The following NR3C2 variants were observed in gnomAD, a reference collection of about 807,000 sequenced individuals.
NR3C2 encodes the protein mineralocorticoid receptor.
Under a neutral mutation model 86.4 loss-of-function variants are expected in NR3C2, and 15 were observed. The observed-to-expected ratio is 0.17, with a 90% CI of 0.12 to 0.27. The LOEUF (loss-of-function observed/expected upper bound fraction) is 0.27. Ranked by LOEUF, NR3C2 falls within the 10% of genes least tolerant of loss-of-function variation. The pLI, the probability that NR3C2 is intolerant of heterozygous loss-of-function variation, is 1.00. For missense variants in NR3C2, 960 were observed against 1,195.6 expected (o/e 0.80, Z 2.91); for synonymous variants, 458 against 450.5 (o/e 1.02, Z -0.21).
intron 6 of NR3C2, among the ~76,000 whole-genome samples, chr4:148,151,709 T>C (rs1008663836): frequency 6.6e-6 from 1 of 152,218 alleles, no homozygotes; most frequent in Non-Finnish European, 1.5e-5. Context: ...CCTGTTTTCC[T>C]ATTGCCAGAG....
At chr4:148,231,017 C>A (rs1487460079) in intron 3 of NR3C2, among the ~76,000 whole-genome samples, 1 of 152,186 alleles carries the variant, frequency 6.6e-6, no homozygotes, top group African/African-American at 2.4e-5. Context: ...GAGAAGACTG[C>A]TTTTTATTCT....
chr4:148,383,279 T>C (rs1747092062), intron 2 of NR3C2, among the ~76,000 whole-genome samples: 1 of 152,144 alleles, frequency 6.6e-6, no homozygotes, highest in Admixed American at 6.6e-5. Context: ...CATCAGGCAT[T>C]AAGAAGAAAT....
chr4:148,226,108 C>T (rs1396584287), intron 3 of NR3C2, among the ~76,000 whole-genome samples: 4 of 152,152 alleles, frequency 2.6e-5, no homozygotes, highest in Non-Finnish European at 5.9e-5. Flanking sequence ...AAGCTTTGTA[C>T]ACATGAATGT....
At chr4:148,261,381 C>A (rs35562931) in intron 2 of NR3C2, among the ~76,000 whole-genome samples, 2,499 of 94,680 alleles carry the variant, frequency 0.026, 69 homozygotes, top group African/African-American at 0.071. Context: ...GCGCTATGGT[C>A]AGTGTATGGT....
At chr4:148,444,435 G>A, upstream of NR3C2, 1 of 986,470 alleles carries the variant, frequency 1.0e-6, no homozygotes, top group South Asian at 4.7e-5. Context: ...CTCTGCCCTG[G>A]GCGCGCAACC....
chr4:148,376,997 A>G (rs193035769), intron 2 of NR3C2, among the ~76,000 whole-genome samples: 179 of 152,330 alleles, frequency 1.2e-3, no homozygotes, highest in African/African-American at 4.1e-3. Flanking sequence ...TTTACATATT[A>G]TATCTGGGGT....
intron 4 of NR3C2, among the ~76,000 whole-genome samples, chr4:148,191,875 T>C (rs980465313): frequency 1.3e-5 from 2 of 152,228 alleles, no homozygotes; most frequent in Non-Finnish European, 2.9e-5. Context: ...TCCATGAATA[T>C]TTCTCCCTTC....
chr4:148,161,622 C>G (rs957286468), intron 4 of NR3C2, among the ~76,000 whole-genome samples: 2 of 152,144 alleles, frequency 1.3e-5, no homozygotes, highest in Non-Finnish European at 2.9e-5. Context: ...TCATATATTA[C>G]ATTTTAATGT....
At chr4:148,181,658 C>T (rs911844434) in intron 4 of NR3C2, among the ~76,000 whole-genome samples, 1 of 152,202 alleles carries the variant, frequency 6.6e-6, no homozygotes, top group Non-Finnish European at 1.5e-5. Context: ...GTACAGAGAG[C>T]CACGGGGCTT....
At chr4:148,363,465 C>T (rs1183368382) in intron 2 of NR3C2, among the ~76,000 whole-genome samples, 1 of 147,742 alleles carries the variant, frequency 6.8e-6, no homozygotes, top group Non-Finnish European at 1.5e-5. Context: ...GAAATTACAG[C>T]ACTACTCGTA....
intron 2 of NR3C2, among the ~76,000 whole-genome samples, chr4:148,289,600 T>G (rs962113706): frequency 1.3e-5 from 2 of 152,178 alleles, no homozygotes. Flanking sequence ...TTTGGGCCAC[T>G]ATAACAACAT....
chr4:148,349,936 A>G (rs1308686085), intron 2 of NR3C2, among the ~76,000 whole-genome samples: 1 of 152,228 alleles, frequency 6.6e-6, no homozygotes, highest in African/African-American at 2.4e-5. Context: ...AAAGATAAAC[A>G]TAAAATTCAG....
intron 3 of NR3C2, among the ~76,000 whole-genome samples, chr4:148,214,453 CAA>C (rs1737426749): frequency 6.6e-6 from 1 of 151,812 alleles, no homozygotes; most frequent in South Asian, 2.1e-4. Context: ...AACCTAAAAA[CAA>C]AAATAAAAAT....
At chr4:148,250,523 G>A (rs772481352) in intron 3 of NR3C2, among the ~76,000 whole-genome samples, 4 of 152,180 alleles carry the variant, frequency 2.6e-5, no homozygotes, top group Admixed American at 6.5e-5. Flanking sequence ...ATTTCATTAC[G>A]TAACTTCCCA....
chr4:148,437,415 A>C (rs971045142), intron 1 of NR3C2, among the ~76,000 whole-genome samples: 1 of 152,252 alleles, frequency 6.6e-6, no homozygotes, highest in East Asian at 1.9e-4. Flanking sequence ...ACATAAACAT[A>C]CCAAGTGAAT....
chr4:148,379,777 G>A (rs1432099799), intron 2 of NR3C2, among the ~76,000 whole-genome samples: 2 of 151,908 alleles, frequency 1.3e-5, no homozygotes, highest in Non-Finnish European at 2.9e-5. Context: ...AAAGCTTAAC[G>A]ATAATAAGAA....
chr4:148,139,540 A>ACTGCTAAT (rs1733513380), intron 6 of NR3C2, among the ~76,000 whole-genome samples: 1 of 152,132 alleles, frequency 6.6e-6, no homozygotes, highest in Non-Finnish European at 1.5e-5. Context: ...GAAGTTCTAA[A>ACTGCTAAT]CTGCTAATTC....
intron 2 of NR3C2, among the ~76,000 whole-genome samples, chr4:148,397,370 G>A (rs1186458731): frequency 6.6e-6 from 1 of 152,212 alleles, no homozygotes; most frequent in African/African-American, 2.4e-5. Flanking sequence ...ATAGGAAAGT[G>A]TCTGGAGCCA....
intron 2 of NR3C2, among the ~76,000 whole-genome samples, chr4:148,425,623 T>C (rs919103222): frequency 4.6e-5 from 7 of 152,164 alleles, no homozygotes; most frequent in African/African-American, 1.7e-4. Flanking sequence ...ATACTAAATA[T>C]AGCAATCAGG....
Sources: gnomAD v4.1 joint callset for allele counts (sites outside exome capture counted in the v4.1 genomes callset) on GRCh38, gnomAD v4.1.1 for gene constraint, MANE v1.5 for transcripts, NCBI Gene and HGNC (gene_info 2026-07-23, HGNC 2026-07-21) for gene names.